The following NASP variants were observed in gnomAD, a reference collection of about 807,000 sequenced individuals.
The protein encoded by NASP is NASP histone chaperone.
NASP carries 24 observed loss-of-function variants against 89.5 expected under a neutral mutation model. The observed-to-expected ratio is 0.27, with a 90% CI of 0.19 to 0.38. The LOEUF (loss-of-function observed/expected upper bound fraction) is 0.38, where lower values mean the gene tolerates loss of function less well. Among genes scored for constraint, NASP ranks in the 10% least tolerant of loss-of-function variants. The probability of loss-of-function intolerance (pLI) is 1.00; values close to 1 mark genes in which losing one functional copy is unlikely to be tolerated. For synonymous variants in NASP, 306 were observed against 324.7 expected, an observed-to-expected ratio of 0.94 and a Z score of 0.62; for missense variants, 848 against 921.4, an observed-to-expected ratio of 0.92 and a Z score of 1.03.
chr1:45,616,416 G>C (rs1569620681), intron 12 of NASP, 23 bp downstream of exon 12: 2 of 1,611,652 alleles, frequency 1.2e-6, no homozygotes, highest in Middle Eastern at 1.7e-4. Context: ...GTGGTTTTTT[G>C]GTCACTTACA....
intron 1 of NASP, among the ~76,000 whole-genome samples, chr1:45,586,801 A>G (rs888457686): frequency 7.9e-5 from 12 of 152,214 alleles, no homozygotes; most frequent in Non-Finnish European, 1.8e-4. Flanking sequence ...CATTGAAAGA[A>G]TAAATATAAC....
At chr1:45,614,625 G>A (rs922852009) in intron 9 of NASP, among the ~76,000 whole-genome samples, 3 of 152,026 alleles carry the variant, frequency 2.0e-5, no homozygotes, top group Non-Finnish European at 2.9e-5. Flanking sequence ...TGCAACCTCC[G>A]CCACCCGGGT....
intron 1 of NASP, among the ~76,000 whole-genome samples, chr1:45,590,564 AAAAG>A (rs1557650169): frequency 4.0e-5 from 6 of 151,190 alleles, no homozygotes; most frequent in Non-Finnish European, 5.9e-5. Context: ...AAAAAAAAAA[AAAAG>A]AAAAGAAATT....
At position 45,587,687 on chromosome 1, in the gene NASP, T is replaced by TATATATATATATATATATATATAAAA. The variant is rs66829841; in HGVS notation, c.59+3483_59+3484insTATATATATATATATATATATAAAAA. ...ATATATATATATATATATATATATA[T>TATATATATATATATATATATATAAAA]AATTAATTTTTTGGAGAGAGAGTCT... On this transcript the variant is annotated intron_variant, in intron 1 of 14. Coordinates refer to ENST00000350030, the MANE Select transcript of NASP (RefSeq NM_002482.4). Among the ~76,000 whole-genome samples the TATATATATATATATATATATATAAAA allele has an allele frequency of 5.1e-5, 4 of 78,198 alleles. 1 individual carries two copies. In the East Asian group the frequency reaches 1.7e-3, roughly 33 times the overall value. 51.3% of individuals were successfully genotyped at this position (78,198 alleles called of 152,430 possible).
At chr1:45,600,282 A>T in intron 2 of NASP, 1 of 629,672 alleles carries the variant, frequency 1.6e-6, no homozygotes, top group Non-Finnish European at 2.1e-6. Context: ...GAGTTTCTAC[A>T]TATGTATACA....
chr1:45,606,847 G>A (rs779730145), intron 5 of NASP, among the ~76,000 whole-genome samples: 5 of 152,246 alleles, frequency 3.3e-5, no homozygotes, highest in African/African-American at 1.2e-4. Flanking sequence ...AAAGATAAAA[G>A]CAAGATTAAA....
chr1:45,590,744 TA>T (rs200094749), intron 1 of NASP, among the ~76,000 whole-genome samples: 3 of 150,890 alleles, frequency 2.0e-5, no homozygotes, highest in Non-Finnish European at 4.4e-5. Context: ...ACATTGTATT[TA>T]AAAAAACCTG....
chr1:45,603,735 AAGT>A (rs1161494666), intron 3 of NASP, among the ~76,000 whole-genome samples: 1 of 148,402 alleles, frequency 6.7e-6, no homozygotes, highest in Non-Finnish European at 1.5e-5. Flanking sequence ...TCTGCCTCCC[AAGT>A]AGCTGGGATT....
intron 1 of NASP, 151 bp downstream of exon 1, chr1:45,584,356 C>G (rs886434678): frequency 4.1e-5 from 29 of 704,988 alleles, no homozygotes; most frequent in Admixed American, 5.6e-5. Context: ...GTCACTGGAG[C>G]AGTCCTTCTT....
chr1:45,589,866 A>G (rs1277883047), intron 1 of NASP, among the ~76,000 whole-genome samples: 1 of 152,138 alleles, frequency 6.6e-6, no homozygotes. Flanking sequence ...ATACCACTGC[A>G]CTCCAGCCTG....
chr1:45,614,356 T>C lies in NASP; in HGVS notation c.1656T>C (p.Ser552=). The change falls in exon 9 of 15, where the codon AGT becomes AGC. Residue 552 remains serine (S), a synonymous_variant. Coordinates refer to ENST00000350030, the MANE Select transcript of NASP (RefSeq NM_002482.4). Reference sequence around the variant, plus strand: ...CACATCTTAAACTCGGAGAAGTTAGTGTTGAATCTGGTAATGCATTTTCCA... The same window carrying C: ...CACATCTTAAACTCGGAGAAGTTAGCGTTGAATCTGGTAATGCATTTTCCA... ...AQAHLKLGEV[S]VESENYVQAV... 1 of 1,612,536 alleles carries C rather than the reference T, an allele frequency of 6.2e-7. No homozygotes were observed. The highest frequency in any genetic ancestry group is 8.5e-7 in the Non-Finnish European group (1 of 1,178,566).
chr1:45,584,094 T>G lies in NASP; in HGVS notation c.-53T>G. The G allele has an allele frequency of 6.6e-7, 1 of 1,515,830 alleles. No homozygotes were observed. The highest frequency in any genetic ancestry group is 2.0e-5 in the Admixed American group (1 of 50,760). The allele number at this position is 1,515,830 out of a possible 1,614,324, so 93.9% of individuals were successfully genotyped here. A position where few individuals can be genotyped will look rare whatever the true frequency, so the allele number is the denominator to read the frequency against. ...TGAGTCTCTGGCGTCCCAAATTGCC[T>G]GTTTTTCTCGCAGGCTCTATTCCGT... On this transcript the variant is annotated 5_prime_UTR_variant, in exon 1 of 15. Coordinates refer to ENST00000350030, the MANE Select transcript of NASP (RefSeq NM_002482.4).
At chr1:45,585,252 T>C (rs1644516078) in intron 1 of NASP, among the ~76,000 whole-genome samples, 1 of 152,222 alleles carries the variant, frequency 6.6e-6, no homozygotes, top group African/African-American at 2.4e-5. Context: ...TTTAGGCATC[T>C]GGTTCTATTT....
chr1:45,616,774 C>A (rs1557668347), intron 13 of NASP, 71 bp downstream of exon 13: 3 of 1,392,514 alleles, frequency 2.2e-6, no homozygotes, highest in Non-Finnish European at 2.0e-6. Flanking sequence ...TCCTATAAAC[C>A]CCTCCCTATA....
At chr1:45,592,037 G>A (rs1643562577) in intron 2 of NASP, among the ~76,000 whole-genome samples, 2 of 152,198 alleles carry the variant, frequency 1.3e-5, no homozygotes, top group African/African-American at 4.8e-5. Flanking sequence ...GCCCAGGCTG[G>A]AGTGCAGTGG....
chr1:45,594,994 CT>C (rs1050305175), intron 2 of NASP, among the ~76,000 whole-genome samples: 10 of 152,026 alleles, frequency 6.6e-5, no homozygotes, highest in East Asian at 1.9e-4. Context: ...ATCTTTCCTT[CT>C]TTTTTTTCCC....
At chr1:45,592,541 GTC>G (rs1214617851) in intron 2 of NASP, among the ~76,000 whole-genome samples, 1 of 151,852 alleles carries the variant, frequency 6.6e-6, no homozygotes, top group Non-Finnish European at 1.5e-5. Flanking sequence ...TTGAGATGGA[GTC>G]TCACTCTGTC....
intron 2 of NASP, among the ~76,000 whole-genome samples, chr1:45,596,351 A>G (rs1643694625): frequency 6.6e-6 from 1 of 152,194 alleles, no homozygotes; most frequent in Non-Finnish European, 1.5e-5. Context: ...ACTATTACCC[A>G]GTAAACAACT....
chr1:45,613,981 G>T, intron 7 of NASP, 115 bp from the exon 8 acceptor site: 1 of 752,096 alleles, frequency 1.3e-6, no homozygotes. Context: ...AGATTTTAGG[G>T]AGAAAGTCCA....
Sources: allele counts gnomAD v4.1 joint callset (sites outside exome capture counted in the v4.1 genomes callset), GRCh38; gene constraint gnomAD v4.1.1; transcripts MANE v1.5; gene names NCBI Gene and HGNC (gene_info 2026-07-23, HGNC 2026-07-21).